Variants in TNNI3K observed in about 807,000 individuals in gnomAD.
The protein encoded by TNNI3K is serine/threonine-protein kinase TNNI3K.
In TNNI3K, 140 loss-of-function variants were observed where a neutral mutation model predicts 114.5. The observed-to-expected ratio is 1.22, with a 90% CI of 1.07 to 1.41. The LOEUF is 1.41. Among genes scored for constraint, TNNI3K ranks in the 40% most tolerant of loss-of-function variants. The pLI, the probability that TNNI3K is intolerant of heterozygous loss-of-function variation, is 0.00. For synonymous variants in TNNI3K, 347 were observed against 347.5 expected (o/e 1.00, Z 0.02); for missense variants, 1,125 against 1,007.6 (o/e 1.12, Z -1.58).
chr1:74,346,399 G>A (rs931505908), intron 9 of TNNI3K, among the ~76,000 whole-genome samples: 7 of 151,998 alleles, frequency 4.6e-5, no homozygotes, highest in African/African-American at 1.7e-4. Context: ...GAATATTTCC[G>A]AGGTCCTGCA....
rs45571333 is a variant in TNNI3K, at chr1:74,369,333, A to C, written c.1473-58A>C. On this transcript the variant is annotated intron_variant, in intron 15 of 24. Transcript: ENST00000326637. The stretch of plus-strand genomic sequence containing the variant: ...GACCTTTGAGAAGCATGTGCATGGC[A>C]AGCCCCTTGTTTGGATCCATCTGTT... 7.5e-4 allele frequency: 1,212 copies of C among 1,606,598 alleles called. 7 individuals carry two copies. In the African/African-American group the frequency reaches 0.015, roughly 19 times the overall value.
chr1:74,487,812 C>T (rs572018745), intron 21 of TNNI3K, among the ~76,000 whole-genome samples: 1 of 152,256 alleles, frequency 6.6e-6, no homozygotes, highest in South Asian at 2.1e-4. Context: ...GGTAAAATGG[C>T]TTCCAAGTAC....
At chr1:74,404,590 A>G (rs76282334) in intron 17 of TNNI3K, among the ~76,000 whole-genome samples, 290 of 152,308 alleles carry the variant, frequency 1.9e-3, no homozygotes, top group African/African-American at 6.9e-3. Context: ...TTCAGTACGT[A>G]TTAGTTGGGG....
chr1:74,444,873 G>T (rs1003003689), intron 20 of TNNI3K, among the ~76,000 whole-genome samples: 3 of 148,564 alleles, frequency 2.0e-5, no homozygotes, highest in African/African-American at 4.9e-5. Flanking sequence ...TCAGAAATAA[G>T]ACCACACATT....
In TNNI3K at chr1:74,343,170, C is replaced by CT; in HGVS notation, c.927dup (p.His310SerfsTer2). ...AAGGAAAACATCTTCAGTGAAACAG[C>CT]TTTTCATAGGTAAAAGAATATTTAA... is the stretch of plus-strand genomic sequence containing the variant. On this transcript the variant is annotated frameshift_variant, in exon 9 of 25. Transcript: ENST00000326637. LOFTEE classifies it high-confidence loss of function. 1 of 1,610,982 alleles carries CT rather than the reference C, an allele frequency of 6.2e-7. No homozygotes were observed. The highest frequency in any genetic ancestry group is 8.5e-7 in the Non-Finnish European group (1 of 1,178,630).
At chr1:74,405,336 G>A (rs1192486772) in intron 17 of TNNI3K, among the ~76,000 whole-genome samples, 2 of 152,140 alleles carry the variant, frequency 1.3e-5, no homozygotes, top group Admixed American at 6.6e-5. Flanking sequence ...GCCAAAATAC[G>A]CAGGGTGGTT....
At chr1:74,405,309 A>ACC (rs1174141872) in intron 17 of TNNI3K, among the ~76,000 whole-genome samples, 2 of 152,194 alleles carry the variant, frequency 1.3e-5, no homozygotes. Context: ...TAAAAAAACC[A>ACC]TGAGGCTGAA....
chr1:74,365,167 G>A (rs1662204096), intron 11 of TNNI3K, among the ~76,000 whole-genome samples: 1 of 152,062 alleles, frequency 6.6e-6, no homozygotes, highest in Non-Finnish European at 1.5e-5. Flanking sequence ...CATCATCTTA[G>A]TTAATCTTTA....
intron 5 of TNNI3K, among the ~76,000 whole-genome samples, chr1:74,277,226 C>T (rs1264168820): frequency 6.6e-6 from 1 of 152,048 alleles, no homozygotes; most frequent in East Asian, 1.9e-4. Flanking sequence ...AGTGAGGAAA[C>T]TGAGGACTGG....
chr1:74,493,763 G>A (rs1216322012), intron 23 of TNNI3K, among the ~76,000 whole-genome samples: 1 of 152,290 alleles, frequency 6.6e-6, no homozygotes, highest in Admixed American at 6.5e-5. Context: ...TCTTCTCACA[G>A]ACAAAGGCTA....
chr1:74,530,273 C>T (rs866089385), intron 23 of TNNI3K, among the ~76,000 whole-genome samples: 4 of 152,134 alleles, frequency 2.6e-5, no homozygotes, highest in Admixed American at 6.5e-5. Context: ...GGGATATAGC[C>T]ATAACTTTGA....
chr1:74,270,011 C>T (rs1656244786), intron 4 of TNNI3K, among the ~76,000 whole-genome samples: 1 of 151,816 alleles, frequency 6.6e-6, no homozygotes, highest in Non-Finnish European at 1.5e-5. Flanking sequence ...GAGAGAATGA[C>T]TACAAGGACA....
intron 5 of TNNI3K, among the ~76,000 whole-genome samples, chr1:74,315,329 G>A (rs547863027): frequency 3.4e-4 from 52 of 152,170 alleles, no homozygotes; most frequent in African/African-American, 1.3e-3. Context: ...TCAGCCCAGT[G>A]AAGAACCATT....
intron 5 of TNNI3K, among the ~76,000 whole-genome samples, chr1:74,330,923 A>G (rs1231707954): frequency 6.6e-6 from 1 of 152,164 alleles, no homozygotes; most frequent in Non-Finnish European, 1.5e-5. Context: ...TTTAGTAAGG[A>G]TGGTAAGGTA....
chr1:74,447,526 C>T (rs1254118331), intron 20 of TNNI3K, among the ~76,000 whole-genome samples: 1 of 121,282 alleles, frequency 8.2e-6, no homozygotes, highest in Non-Finnish European at 1.6e-5. Context: ...TCATCACTGG[C>T]CATCAGAGAA....
chr1:74,377,914 A>G (rs1337177366), intron 17 of TNNI3K, among the ~76,000 whole-genome samples: 3 of 152,092 alleles, frequency 2.0e-5, no homozygotes, highest in African/African-American at 4.8e-5. Flanking sequence ...CAATGCACAT[A>G]TAAGTATACA....
intron 5 of TNNI3K, among the ~76,000 whole-genome samples, chr1:74,279,326 C>T (rs533140888): frequency 9.1e-4 from 139 of 152,250 alleles, no homozygotes; most frequent in African/African-American, 2.8e-3. Context: ...GCTTCAGTTG[C>T]GGTTAGCTTT....
intron 17 of TNNI3K, among the ~76,000 whole-genome samples, chr1:74,413,028 A>G (rs569997744): frequency 4.6e-5 from 7 of 152,340 alleles, no homozygotes; most frequent in African/African-American, 1.7e-4. Flanking sequence ...GTAGAAAAGA[A>G]TACAAAACAG....
intron 17 of TNNI3K, chr1:74,376,885 G>T (rs1484122523): frequency 7.0e-6 from 1 of 143,644 alleles, no homozygotes; most frequent in Non-Finnish European, 1.6e-5. Flanking sequence ...TCTTACGTTG[G>T]GCCTGAGAAT....
Sources: gnomAD v4.1 joint callset for allele counts (sites outside exome capture counted in the v4.1 genomes callset) on GRCh38, gnomAD v4.1.1 for gene constraint, MANE v1.5 for transcripts, NCBI Gene and HGNC (gene_info 2026-07-23, HGNC 2026-07-21) for gene names.